CASP4: variants seen among roughly 807,000 people sequenced by gnomAD.
CASP4 encodes caspase 4.
In CASP4, 29 loss-of-function variants were observed where a neutral mutation model predicts 41.3. The observed-to-expected ratio is 0.70, with a 90% CI of 0.52 to 0.96. The LOEUF (loss-of-function observed/expected upper bound fraction) is 0.96, where lower values mean the gene tolerates loss of function less well. CASP4 is among the 40% of genes least tolerant of loss of function. The pLI is 0.00. For missense variants in CASP4, 447 were observed against 460.6 expected (o/e 0.97, Z 0.27); for synonymous variants, 185 against 158.4 (o/e 1.17, Z -1.26).
At chr11:104,958,742 C>T (rs1307673807) in intron 1 of CASP4, among the ~76,000 whole-genome samples, 2 of 152,118 alleles carry the variant, frequency 1.3e-5, no homozygotes, top group Non-Finnish European at 1.5e-5. Context: ...GGGCAGATCA[C>T]CTGAGGTCAG....
At chr11:104,952,602 C>T (rs55664448) in intron 2 of CASP4, among the ~76,000 whole-genome samples, 13 of 152,106 alleles carry the variant, frequency 8.5e-5, no homozygotes, top group African/African-American at 2.7e-4. Flanking sequence ...TTGGAGTAAT[C>T]GTCCCCTCCT....
chr11:104,964,472 C>A (rs1860930406), intron 1 of CASP4, among the ~76,000 whole-genome samples: 1 of 152,184 alleles, frequency 6.6e-6, no homozygotes, highest in African/African-American at 2.4e-5. Context: ...TTTGGAAACT[C>A]TTTGTAAGTA....
chr11:104,956,703 G>C (rs1215287706), intron 1 of CASP4: 1 of 953,458 alleles, frequency 1.0e-6, no homozygotes, highest in Non-Finnish European at 1.2e-6. Context: ...CTTCTGAGAA[G>C]AGGTAGCAAA....
At chr11:104,955,194 TA>T (rs1860710788) in intron 1 of CASP4, among the ~76,000 whole-genome samples, 193 bp from the exon 2 acceptor site, 1 of 152,178 alleles carries the variant, frequency 6.6e-6, no homozygotes, top group African/African-American at 2.4e-5. Flanking sequence ...TGCCACTAAA[TA>T]CTTTTTATTT....
intron 4 of CASP4, 141 bp from the exon 5 acceptor site, chr11:104,949,918 C>G: frequency 1.3e-6 from 1 of 742,774 alleles, no homozygotes. Flanking sequence ...GTCATGACAG[C>G]TGTTTAATGG....
intron 1 of CASP4, among the ~76,000 whole-genome samples, chr11:104,955,588 A>C (rs910666208): frequency 4.6e-5 from 7 of 152,132 alleles, no homozygotes; most frequent in Admixed American, 1.3e-4. Flanking sequence ...TAAATGGATG[A>C]GTGCATCCAT....
At position 104,944,742 on chromosome 11, in the gene CASP4, C is replaced by A; in HGVS notation, c.*5+6G>T. Reference sequence around the variant, plus strand: ...CACATACCACCAACAACTCTCAATACTTAACCATTTTCAATTGCCAGGAAA... The same window carrying A: ...CACATACCACCAACAACTCTCAATAATTAACCATTTTCAATTGCCAGGAAA... On this transcript the variant is annotated splice_donor_region_variant and intron_variant, in intron 8 of 8. Coordinates refer to ENST00000444739, the MANE Select transcript of CASP4 (RefSeq NM_001225.4). 1.3e-6 allele frequency: 2 copies of A among 1,559,146 alleles called. No homozygotes were observed. The highest frequency in any genetic ancestry group is 1.8e-6 in the Non-Finnish European group (2 of 1,130,124).
At position 104,947,209 on chromosome 11, in the gene CASP4, G is replaced by A; in HGVS notation, c.926-17C>T. 2 of 1,456,116 alleles carry A rather than the reference G, an allele frequency of 1.4e-6. No individual in the cohort carries two copies. The highest frequency in any genetic ancestry group is 1.7e-5 in the Admixed American group (1 of 57,636). The allele number at this position is 1,456,116 out of a possible 1,614,324, so 90.2% of individuals were successfully genotyped here. A position where few individuals can be genotyped will look rare whatever the true frequency, so the allele number is the denominator to read the frequency against. On this transcript the variant is annotated splice_polypyrimidine_tract_variant and intron_variant, in intron 6 of 8. Transcript: ENST00000444739. ...ACACGTTGTCTATAATGATACAGAT[G>A]GGTATGCCTTGGGCTATGACTTTCA...
At chr11:104,945,660 T>A (rs924941813) in intron 7 of CASP4, among the ~76,000 whole-genome samples, 1 of 152,148 alleles carries the variant, frequency 6.6e-6, no homozygotes. Flanking sequence ...AGTCTACTTA[T>A]CCTAAATCCA....
In CASP4 at chr11:104,968,507, A is replaced by G; in HGVS notation, c.7+12T>C. ...TTCCTACTCCCAAACTCCTAGTCAG[A>G]AAAGGACTCACCTGCCATAGGGAAC... On this transcript the variant is annotated intron_variant, in intron 1 of 8. Transcript: ENST00000444739. 1.2e-6 allele frequency: 2 copies of G among 1,611,974 alleles called. No individual in the cohort carries two copies. The highest frequency in any genetic ancestry group is 4.5e-5 in the East Asian group (2 of 44,818).
intron 1 of CASP4, among the ~76,000 whole-genome samples, chr11:104,961,332 G>T (rs1328906985): frequency 6.6e-6 from 1 of 152,206 alleles, no homozygotes; most frequent in Non-Finnish European, 1.5e-5. Context: ...TATCCTAGGT[G>T]CTGCCAATGC....
chr11:104,950,813 C>CACACACAT (rs1405995902), intron 4 of CASP4, 112 bp downstream of exon 4: 1 of 910,838 alleles, frequency 1.1e-6, no homozygotes, highest in Admixed American at 2.4e-5. Context: ...CACACACACA[C>CACACACAT]ACACACACAC....
chr11:104,951,942 C>T lies in CASP4; in HGVS notation c.326G>A (p.Cys109Tyr), dbSNP rs768857864. The stretch of plus-strand genomic sequence containing the variant: ...TAGTCTCAGGAATTCTTCATGAGGA[C>T]AAAGCTTGAGGGCATCTGTAGATTC... ...SGESTDALKLCPHEEFLRLCK... is the reference protein window; with the variant it reads ...SGESTDALKLYPHEEFLRLCK... Residue 109 changes from cysteine (C) to tyrosine (Y), a missense_variant, in exon 3 of 9, where the codon TGT (cysteine) becomes TAT (tyrosine). Cys to Tyr is a radical substitution (Grantham distance 194, BLOSUM62 -2). Transcript: ENST00000444739. 1 of 1,612,962 alleles carries T rather than the reference C, an allele frequency of 6.2e-7. No individual in the cohort carries two copies. Among genetic ancestry groups the T allele is most frequent in the South Asian group, 1.1e-5 (1 of 91,072 alleles).
At chr11:104,952,264 C>T (rs149499542) in intron 2 of CASP4, among the ~76,000 whole-genome samples, 71 of 152,088 alleles carry the variant, frequency 4.7e-4, no homozygotes, top group Non-Finnish European at 5.4e-4. Context: ...TAAATTTGGC[C>T]TTTCCTTATA....
chr11:104,954,573 C>A (rs775157192), intron 2 of CASP4, among the ~76,000 whole-genome samples, 174 bp downstream of exon 2: 2 of 152,070 alleles, frequency 1.3e-5, no homozygotes, highest in Non-Finnish European at 2.9e-5. Context: ...TGATTGTAAA[C>A]TGGATTCCAC....
rs1298474817 is a variant in CASP4, at chr11:104,943,161, T to G, written c.*6-188A>C. The G allele has an allele frequency of 4.2e-5, 14 of 334,472 alleles. No individual in the cohort carries two copies. In the East Asian group the frequency reaches 7.0e-4, roughly 17 times the overall value. The allele number at this position is 334,472 out of a possible 1,614,324, so 20.7% of individuals were successfully genotyped here. A position where few individuals can be genotyped will look rare whatever the true frequency, so the allele number is the denominator to read the frequency against. ...TAAAACCTAATTTAAAGCATATTAC[T>G]TCTTTTTTCTAAAGCACTAGAAAGG... is the stretch of plus-strand genomic sequence containing the variant. On this transcript the variant is annotated intron_variant, in intron 8 of 8. Transcript: ENST00000444739.
chr11:104,943,031 C>A (rs1860363218), intron 8 of CASP4, 58 bp from the exon 9 acceptor site: 1 of 450,584 alleles, frequency 2.2e-6, no homozygotes. Context: ...GCCTTCATCC[C>A]ATCCCTCATC....
rs1191027964 is a variant in CASP4, at chr11:104,942,885, A to G, written c.*94T>C. The G allele has an allele frequency of 2.9e-5, 13 of 456,008 alleles. No homozygotes were observed. Among genetic ancestry groups the G allele is most frequent in the South Asian group, 2.0e-4 (13 of 64,566 alleles). 28.2% of individuals were successfully genotyped at this position (456,008 alleles called of 1,614,324 possible). On this transcript the variant is annotated 3_prime_UTR_variant, in exon 9 of 9. Transcript: ENST00000444739. ...ACACAGTTCGTTTGTCTTCACTTTT[A>G]TTGAAATACAAAATGTTAAATATGC... is the stretch of plus-strand genomic sequence containing the variant.
chr11:104,947,887 A>G (rs955156220), intron 6 of CASP4: 3 of 152,230 alleles, frequency 2.0e-5, no homozygotes, highest in Admixed American at 1.3e-4. Flanking sequence ...AGATATGTTT[A>G]TGGCATAGAT....
Sources: allele counts gnomAD v4.1 joint callset (sites outside exome capture counted in the v4.1 genomes callset), GRCh38; gene constraint gnomAD v4.1.1; transcripts MANE v1.5; gene names NCBI Gene and HGNC (gene_info 2026-07-23, HGNC 2026-07-21).